Variants in FGF14 observed in about 807,000 individuals in gnomAD.
FGF14 encodes the protein fibroblast growth factor homologous factor 4.
Under a neutral mutation model 25.5 loss-of-function variants are expected in FGF14, and 5 were observed. The observed-to-expected ratio is 0.20, with a 90% CI of 0.10 to 0.41. The LOEUF (loss-of-function observed/expected upper bound fraction) is 0.41. Among genes scored for constraint, FGF14 ranks in the 10% least tolerant of loss-of-function variants. The pLI, the probability that FGF14 is intolerant of heterozygous loss-of-function variation, is 1.00. For missense variants in FGF14, 222 were observed against 320.1 expected (o/e 0.69, Z 2.34); for synonymous variants, 138 against 118.3 (o/e 1.17, Z -1.08).
At chr13:102,241,139 T>C (rs1436791445) in intron 1 of FGF14, among the ~76,000 whole-genome samples, 3 of 152,090 alleles carry the variant, frequency 2.0e-5, no homozygotes, top group African/African-American at 7.2e-5. Flanking sequence ...CAGTGGACGC[T>C]TTGATCATTG....
intron 1 of FGF14, among the ~76,000 whole-genome samples, chr13:102,169,960 T>C (rs2048179729): frequency 6.6e-6 from 1 of 152,126 alleles, no homozygotes; most frequent in Admixed American, 6.6e-5. Flanking sequence ...AATAGCCACA[T>C]TTGGCTAGTG....
chr13:101,801,721 G>A (rs1189310261), intron 3 of FGF14, among the ~76,000 whole-genome samples: 1 of 152,206 alleles, frequency 6.6e-6, no homozygotes, highest in East Asian at 1.9e-4. Context: ...GTTCAGTGTT[G>A]ATGGTGAAAT....
chr13:102,202,093 C>G (rs958515859), intron 1 of FGF14, among the ~76,000 whole-genome samples: 2 of 152,160 alleles, frequency 1.3e-5, no homozygotes, highest in African/African-American at 2.4e-5. Flanking sequence ...GCTGCCTCCC[C>G]CTTCGCCTTC....
At chr13:102,196,956 G>GTTTTTTTTTT (rs147361349) in intron 1 of FGF14, among the ~76,000 whole-genome samples, 1 of 146,994 alleles carries the variant, frequency 6.8e-6, no homozygotes, top group South Asian at 2.1e-4. Flanking sequence ...TTGTTTTTTT[G>GTTTTTTTTTT]GTTTTTTTTT....
chr13:101,771,762 T>TA (rs2038787963), intron 3 of FGF14, among the ~76,000 whole-genome samples: 1 of 152,100 alleles, frequency 6.6e-6, no homozygotes, highest in African/African-American at 2.4e-5. Context: ...GGATTCTGCA[T>TA]ACTTGGTTTT....
At position 101,718,791 on chromosome 13, in the gene FGF14, A is replaced by C. The variant is rs571090776; in HGVS notation, c.*4040T>G. The C allele has an allele frequency of 3.3e-5, 5 of 152,148 alleles. No homozygotes were observed. In the East Asian group the frequency reaches 7.7e-4, roughly 24 times the overall value. The allele number at this position is 152,148 out of a possible 1,614,324, so 9.4% of individuals were successfully genotyped here. ...CTTAGTGAAAACCAGGAAAAAAAAA[A>C]AAAACTAAAATATAACTCAGCCTTA... On this transcript the variant is annotated 3_prime_UTR_variant, in exon 5 of 5. Transcript: ENST00000376143.
chr13:102,045,552 G>GA (rs970422297), intron 1 of FGF14, among the ~76,000 whole-genome samples: 9 of 151,744 alleles, frequency 5.9e-5, no homozygotes, highest in African/African-American at 2.2e-4. Context: ...TAACAAGCTA[G>GA]AAAAAAAATT....
chr13:102,377,389 T>G (rs1470301281), intron 1 of FGF14, among the ~76,000 whole-genome samples: 2 of 152,152 alleles, frequency 1.3e-5, no homozygotes, highest in Non-Finnish European at 2.9e-5. Context: ...GGGAAGAGAA[T>G]AGTAAAAATG....
chr13:102,330,600 C>A (rs2138831999), intron 1 of FGF14, among the ~76,000 whole-genome samples: 1 of 152,284 alleles, frequency 6.6e-6, no homozygotes, highest in African/African-American at 2.4e-5. Flanking sequence ...TTCTCTTTAG[C>A]TATCTACAAT....
In FGF14 at chr13:101,714,086, A is replaced by G. The variant is rs538705419; in HGVS notation, c.*8745T>C. ...TTTCCTTTAAAGAGCAGGCACTTTA[A>G]AAACATGATTCAATTTAGGAGGAAA... On this transcript the variant is annotated 3_prime_UTR_variant, in exon 5 of 5. Coordinates refer to ENST00000376143, the MANE Select transcript of FGF14 (RefSeq NM_004115.4). The G allele has an allele frequency of 5.3e-6, 1 of 187,606 alleles. No individual in the cohort carries two copies. The highest frequency in any genetic ancestry group is 2.3e-5 in the African/African-American group (1 of 42,984). 11.6% of individuals were successfully genotyped at this position (187,606 alleles called of 1,614,324 possible). A position where few individuals can be genotyped will look rare whatever the true frequency, so the allele number is the denominator to read the frequency against.
At chr13:102,161,699 A>AGAAGAG (rs2047770467) in intron 1 of FGF14, among the ~76,000 whole-genome samples, 1 of 128,826 alleles carries the variant, frequency 7.8e-6, no homozygotes, top group Non-Finnish European at 1.6e-5. Flanking sequence ...AAGAAGAAGA[A>AGAAGAG]GAAGAAGAAG....
chr13:102,319,058 A>G (rs2056143605), intron 1 of FGF14, among the ~76,000 whole-genome samples: 1 of 152,204 alleles, frequency 6.6e-6, no homozygotes, highest in South Asian at 2.1e-4. Context: ...TTGCTGAAAG[A>G]CGAAGGCACT....
chr13:101,951,764 T>C (rs1050572512), intron 1 of FGF14, among the ~76,000 whole-genome samples: 1 of 152,160 alleles, frequency 6.6e-6, no homozygotes, highest in African/African-American at 2.4e-5. Flanking sequence ...TATGTGGCCA[T>C]GTCCTCACAG....
chr13:102,120,600 C>A (rs547505499), intron 1 of FGF14, among the ~76,000 whole-genome samples: 18 of 152,294 alleles, frequency 1.2e-4, no homozygotes, highest in African/African-American at 4.3e-4. Context: ...TCATCCAGAA[C>A]CCTGGTGAAA....
At position 102,292,097 on chromosome 13, in the gene FGF14, G is replaced by C. The variant is rs117794492; in HGVS notation, c.208+109374C>G. Among the ~76,000 whole-genome samples, 677 of 151,990 alleles carry C rather than the reference G, an allele frequency of 4.5e-3. 3 individuals carry two copies. The highest frequency in any genetic ancestry group is 7.0e-3 in the Non-Finnish European group (474 of 67,964). Reference sequence around the variant, plus strand: ...CGCTTGCAGAATGGCTGGCTGGCCGGAGCCCCCGCCAATTTGTTTTTCTGG... The same window carrying C: ...CGCTTGCAGAATGGCTGGCTGGCCGCAGCCCCCGCCAATTTGTTTTTCTGG... On this transcript the variant is annotated intron_variant, in intron 1 of 4. Transcript: ENST00000376131.
intron 3 of FGF14, among the ~76,000 whole-genome samples, chr13:101,852,230 G>C: frequency 6.6e-6 from 1 of 151,874 alleles, no homozygotes; most frequent in East Asian, 1.9e-4. Flanking sequence ...AGTGTTCAAA[G>C]AAAAGCTGAC....
chr13:101,724,286 AGTTCAT>A (rs1246511818), intron 4 of FGF14, among the ~76,000 whole-genome samples: 2 of 151,928 alleles, frequency 1.3e-5, no homozygotes, highest in African/African-American at 4.8e-5. Context: ...AAAAATGATG[AGTTCAT>A]GGACATGGAT....
intron 1 of FGF14, among the ~76,000 whole-genome samples, chr13:102,236,377 G>A (rs980852184): frequency 4.6e-5 from 7 of 152,146 alleles, no homozygotes; most frequent in African/African-American, 1.2e-4. Flanking sequence ...TTTGCAGAAG[G>A]AAAATCCTTC....
rs1054435268 is a variant in FGF14, at chr13:101,713,666, CATTT to C, written c.*9161_*9164del. On this transcript the variant is annotated 3_prime_UTR_variant, in exon 5 of 5. Transcript: ENST00000376143. ...CTGTCTTGGATACCATTCATCATCTCATTTATTTTCTTTTATTTTAAATATATCA... is the reference window on the plus strand; with the variant it reads ...CTGTCTTGGATACCATTCATCATCTCATTTTCTTTTATTTTAAATATATCA... The C allele has an allele frequency of 1.3e-5, 2 of 152,074 alleles. No homozygotes were observed. The highest frequency in any genetic ancestry group is 4.8e-5 in the African/African-American group (2 of 41,422). 9.4% of individuals were successfully genotyped at this position (152,074 alleles called of 1,614,324 possible).
Sources: gnomAD v4.1 joint callset for allele counts (sites outside exome capture counted in the v4.1 genomes callset) on GRCh38, gnomAD v4.1.1 for gene constraint, MANE v1.5 for transcripts, NCBI Gene and HGNC (gene_info 2026-07-23, HGNC 2026-07-21) for gene names.